The following PHF14 variants were observed in gnomAD, a reference collection of about 807,000 sequenced individuals.
PHF14 encodes PHD finger protein 14.
In PHF14, 55 loss-of-function variants were observed where a neutral mutation model predicts 117.9. That is an observed-to-expected ratio of 0.47 (90% CI 0.38 to 0.58). PHF14 has a LOEUF of 0.58. PHF14 is among the 20% of genes least tolerant of loss of function. PHF14 has a pLI of 0.00. For synonymous variants in PHF14, 409 were observed against 368.6 expected (o/e 1.11, Z -1.26); for missense variants, 978 against 1,122.2 (o/e 0.87, Z 1.84).
rs10235587 is a variant in PHF14 at position 11,107,253 on chromosome 7, C to T, written c.2655-4097C>T. 3.1e-3 allele frequency: 3,074 copies of T among 978,722 alleles called. 64 individuals are homozygous for T. In the African/African-American group the frequency reaches 0.049, roughly 16 times the overall value. 60.6% of individuals were successfully genotyped at this position (978,722 alleles called of 1,614,324 possible). On this transcript the variant is annotated intron_variant, in intron 16 of 17. Coordinates refer to ENST00000634607, the MANE Select transcript of PHF14 (RefSeq NM_001007157.2). ...CTGACTAATTGCTTGTTATATGGAT[C>T]ATAGCACATATGAAGGTAAATCATT...
At chr7:11,084,806 A>G (rs1786318097) in intron 16 of PHF14, among the ~76,000 whole-genome samples, 1 of 152,084 alleles carries the variant, frequency 6.6e-6, no homozygotes, top group Non-Finnish European at 1.5e-5. Flanking sequence ...TTTTGATTGT[A>G]TTTTGTAACA....
At chr7:11,132,069 T>C (rs1788105280) in intron 17 of PHF14, among the ~76,000 whole-genome samples, 1 of 151,858 alleles carries the variant, frequency 6.6e-6, no homozygotes, top group Non-Finnish European at 1.5e-5. Flanking sequence ...ATCCATCATG[T>C]CACATAATTA....
chr7:11,117,292 C>G (rs1408471171), intron 17 of PHF14, among the ~76,000 whole-genome samples: 1 of 151,712 alleles, frequency 6.6e-6, no homozygotes, highest in Non-Finnish European at 1.5e-5. Context: ...GCTGTCTTAG[C>G]TTGGAGACTT....
At chr7:11,016,551 CTG>C (rs2128316985) in intron 5 of PHF14, among the ~76,000 whole-genome samples, 1 of 151,938 alleles carries the variant, frequency 6.6e-6, no homozygotes, top group East Asian at 1.9e-4. Context: ...ATAAACCTGA[CTG>C]TGGGAAATTT....
chr7:11,006,780 CT>C, intron 4 of PHF14: 3 of 796,256 alleles, frequency 3.8e-6, no homozygotes, highest in Non-Finnish European at 6.4e-6. Flanking sequence ...CTGTGGACAC[CT>C]TTCAACACTG....
chr7:11,084,311 A>G (rs1453653349), intron 16 of PHF14, among the ~76,000 whole-genome samples: 1 of 152,168 alleles, frequency 6.6e-6, no homozygotes, highest in African/African-American at 2.4e-5. Flanking sequence ...ACTTTATTGG[A>G]TTTATTTTTA....
Position 11,147,163 on chromosome 7 carries a change from G to C in PHF14, c.2773-22253G>C, listed in dbSNP as rs112983478. Among the ~76,000 whole-genome samples, 947 of 152,196 alleles carry C rather than the reference G, an allele frequency of 6.2e-3. 7 individuals are homozygous for C. The highest frequency in any genetic ancestry group is 0.022 in the African/African-American group (906 of 41,522). On this transcript the variant is annotated intron_variant, in intron 17 of 17. Coordinates refer to ENST00000634607, the MANE Select transcript of PHF14 (RefSeq NM_001007157.2). ...ACACCCAGCCTATTTTTTATTCAAA[G>C]TGAAAGCTGAGAAACTAGGATACAG...
chr7:11,018,259 G>C (rs1247249776), intron 5 of PHF14, among the ~76,000 whole-genome samples: 2 of 151,992 alleles, frequency 1.3e-5, no homozygotes, highest in Non-Finnish European at 2.9e-5. Flanking sequence ...ATACATTTTA[G>C]GATTATTTTT....
At chr7:11,119,913 A>G (rs1182699424) in intron 17 of PHF14, among the ~76,000 whole-genome samples, 1 of 151,918 alleles carries the variant, frequency 6.6e-6, no homozygotes, top group Non-Finnish European at 1.5e-5. Flanking sequence ...CCTAGGTGTG[A>G]TAAGTTGTAA....
intron 16 of PHF14, among the ~76,000 whole-genome samples, chr7:11,095,512 G>A (rs983507012): frequency 3.9e-5 from 6 of 152,084 alleles, no homozygotes; most frequent in African/African-American, 1.4e-4. Context: ...AGAGTCAAGG[G>A]CATTTCGTTT....
At chr7:11,049,850 A>G (rs1456634715) in intron 13 of PHF14, among the ~76,000 whole-genome samples, 9 of 152,334 alleles carry the variant, frequency 5.9e-5, no homozygotes. Context: ...GTCTTTGTTA[A>G]TGATGGTAAT....
At chr7:11,141,516 T>A (rs1276018826) in intron 17 of PHF14, among the ~76,000 whole-genome samples, 1 of 152,098 alleles carries the variant, frequency 6.6e-6, no homozygotes, top group African/African-American at 2.4e-5. Context: ...TTATTGTTTG[T>A]TATATGCAGA....
rs979259864 is a variant in PHF14 at position 11,167,699 on chromosome 7, A to G, written c.2773-1717A>G. 3.9e-5 allele frequency among the ~76,000 whole-genome samples: 6 copies of G among 152,228 alleles called. No homozygotes were observed. The South Asian group carries it at 1.2e-3, about 32-fold the overall frequency. On this transcript the variant is annotated intron_variant, in intron 17 of 17. Coordinates refer to ENST00000634607, the MANE Select transcript of PHF14 (RefSeq NM_001007157.2). ...TCCTGAAGAAGACAGGGGAAAGTGT[A>G]GAGTAAGATTTACTTTTTATTATAA...
At chr7:11,129,024 T>C (rs1398533159) in intron 17 of PHF14, among the ~76,000 whole-genome samples, 1 of 152,042 alleles carries the variant, frequency 6.6e-6, no homozygotes, top group African/African-American at 2.4e-5. Context: ...ACAAACTCTC[T>C]TACAACAGAG....
intron 3 of PHF14, among the ~76,000 whole-genome samples, chr7:10,988,891 A>G (rs1782342885): frequency 6.6e-6 from 1 of 152,178 alleles, no homozygotes; most frequent in South Asian, 2.1e-4. Context: ...AGTAGGGAAT[A>G]AGCGAGAGGT....
chr7:11,012,939 T>TTCA (rs1783402688), intron 4 of PHF14, among the ~76,000 whole-genome samples: 1 of 152,214 alleles, frequency 6.6e-6, no homozygotes. Context: ...TCTATAGCTT[T>TTCA]AGGTGCATAA....
At chr7:10,996,927 G>A (rs6956108) in intron 4 of PHF14, among the ~76,000 whole-genome samples, 14,653 of 152,154 alleles carry the variant, frequency 0.096, 1,482 homozygotes, top group African/African-American at 0.26. Context: ...CTCAACAGCC[G>A]TAGGTTTTAT....
intron 16 of PHF14, chr7:11,102,594 A>G: frequency 6.3e-7 from 1 of 1,584,788 alleles, no homozygotes; most frequent in Non-Finnish European, 8.6e-7. Flanking sequence ...TCGATAGAGT[A>G]CATAAAGTAA....
intron 13 of PHF14, among the ~76,000 whole-genome samples, chr7:11,045,908 A>AT (rs1433838294): frequency 2.0e-5 from 3 of 152,170 alleles, no homozygotes; most frequent in African/African-American, 7.2e-5. Flanking sequence ...GTGTAGCAAG[A>AT]ATGTTTAGTG....
Sources: allele counts gnomAD v4.1 joint callset (sites outside exome capture counted in the v4.1 genomes callset), GRCh38; gene constraint gnomAD v4.1.1; transcripts MANE v1.5; gene names NCBI Gene and HGNC (gene_info 2026-07-23, HGNC 2026-07-21).